TNR: variants seen among roughly 807,000 people sequenced by gnomAD.
The protein encoded by TNR is tenascin-R.
In TNR, 45 loss-of-function variants were observed where a neutral mutation model predicts 150.4. That is an observed-to-expected ratio of 0.30 (90% confidence interval 0.24 to 0.38). TNR has a LOEUF of 0.38. Among genes scored for constraint, TNR ranks in the 10% least tolerant of loss-of-function variants. The pLI is 1.00. For missense variants in TNR, 1,544 were observed against 1,759.1 expected, an observed-to-expected ratio of 0.88 and a Z score of 2.19; for synonymous variants, 687 against 678.4, an observed-to-expected ratio of 1.01 and a Z score of -0.20.
intron 2 of TNR, among the ~76,000 whole-genome samples, chr1:175,473,399 C>T (rs1571490914): frequency 1.3e-5 from 2 of 152,206 alleles, no homozygotes; most frequent in East Asian, 3.9e-4. Context: ...CAGTATTGCC[C>T]CCTTGATGAA....
intron 2 of TNR, among the ~76,000 whole-genome samples, chr1:175,460,597 T>C (rs1656770234): frequency 6.6e-6 from 1 of 152,208 alleles, no homozygotes; most frequent in Non-Finnish European, 1.5e-5. Flanking sequence ...GCTTACAAAG[T>C]ATCCTCATAA....
intron 2 of TNR, among the ~76,000 whole-genome samples, chr1:175,493,787 C>T (rs927632651): frequency 6.6e-5 from 10 of 152,196 alleles, no homozygotes; most frequent in African/African-American, 1.9e-4. Context: ...AGAGCACCAG[C>T]GGCTTCCAGA....
At chr1:175,568,550 T>C (rs1383252305) in intron 1 of TNR, among the ~76,000 whole-genome samples, 1 of 152,212 alleles carries the variant, frequency 6.6e-6, no homozygotes, top group Non-Finnish European at 1.5e-5. Flanking sequence ...CTTTGCACTA[T>C]GTGCTCTCCC....
intron 1 of TNR, among the ~76,000 whole-genome samples, chr1:175,734,242 A>C (rs868438645): frequency 2.6e-5 from 4 of 152,326 alleles, no homozygotes; most frequent in East Asian, 1.9e-4. Flanking sequence ...TGAAATTCCC[A>C]AAAAATGAGT....
intron 2 of TNR, among the ~76,000 whole-genome samples, chr1:175,522,563 T>TA (rs139657969): frequency 1.6e-4 from 24 of 150,976 alleles, no homozygotes; most frequent in South Asian, 4.2e-4. Flanking sequence ...AAATAAAAAA[T>TA]AAAAAAAAAT....
At chr1:175,610,956 G>A (rs1663575850) in intron 1 of TNR, among the ~76,000 whole-genome samples, 2 of 152,142 alleles carry the variant, frequency 1.3e-5, no homozygotes, top group South Asian at 2.1e-4. Flanking sequence ...AATATTACAT[G>A]GCTTGATCAC....
rs1557867696 is a variant in TNR, at chr1:175,331,054, T to TTTCC, written c.3632-820_3632-819insGGAA. 1.3e-4 allele frequency among the ~76,000 whole-genome samples: 14 copies of TTTCC among 105,786 alleles called. 1 individual carries two copies. Among genetic ancestry groups the TTTCC allele is most frequent in the African/African-American group, 5.0e-4 (13 of 26,014 alleles). The allele number at this position is 105,786 out of a possible 152,430, so 69.4% of individuals were successfully genotyped here. On this transcript the variant is annotated intron_variant, in intron 20 of 22. Coordinates refer to ENST00000367674, the MANE Select transcript of TNR (RefSeq NM_003285.3). ...CTTTCTTTCTTTCTTTCTTTCTTTC[T>TTTCC]TTCTTTCTTTCTTTCTTTCTTTCCT...
intron 1 of TNR, among the ~76,000 whole-genome samples, chr1:175,674,858 T>C (rs991216130): frequency 5.3e-5 from 8 of 152,158 alleles, no homozygotes; most frequent in African/African-American, 1.9e-4. Context: ...CCTGCTGTGA[T>C]GGATTTTTTA....
chr1:175,482,058 C>G (rs1657833907), intron 2 of TNR, among the ~76,000 whole-genome samples: 1 of 152,196 alleles, frequency 6.6e-6, no homozygotes. Context: ...AGTTAATTGT[C>G]ATGTTCTGGA....
intron 1 of TNR, among the ~76,000 whole-genome samples, chr1:175,580,318 G>A (rs1351472408): frequency 6.6e-6 from 1 of 152,166 alleles, no homozygotes; most frequent in Non-Finnish European, 1.5e-5. Context: ...TGCACACTGG[G>A]TAAGAGCTCA....
intron 9 of TNR, among the ~76,000 whole-genome samples, chr1:175,368,897 C>G (rs879311879): frequency 6.6e-6 from 1 of 152,054 alleles, no homozygotes; most frequent in Non-Finnish European, 1.5e-5. Context: ...TGCAGTGAGC[C>G]AAGATCATGC....
chr1:175,637,324 C>T (rs752413564), intron 1 of TNR, among the ~76,000 whole-genome samples: 4 of 152,090 alleles, frequency 2.6e-5, no homozygotes, highest in Non-Finnish European at 5.9e-5. Flanking sequence ...TTCAGGGATC[C>T]ATAATAATGA....
chr1:175,316,936 A>C lies in TNR; in HGVS notation c.*6421T>G. ...CCTTGTAAGAATATTAGTAAAATCC[A>C]AGATGGTGGTCACTCAGCTAAATAA... On this transcript the variant is annotated 3_prime_UTR_variant, in exon 23 of 23. Transcript: ENST00000367674. 6.6e-6 allele frequency: 1 copy of C among 152,222 alleles called. No individual in the cohort carries two copies. The highest frequency in any genetic ancestry group is 1.9e-4 in the East Asian group (1 of 5,200). The allele number at this position is 152,222 out of a possible 1,614,324, so 9.4% of individuals were successfully genotyped here. A position where few individuals can be genotyped will look rare whatever the true frequency, so the allele number is the denominator to read the frequency against.
intron 2 of TNR, among the ~76,000 whole-genome samples, chr1:175,409,539 C>T (rs538281670): frequency 3.9e-5 from 6 of 152,176 alleles, no homozygotes; most frequent in South Asian, 2.1e-4. Flanking sequence ...AGTTGGTCAA[C>T]GGTGTGATTT....
In TNR at chr1:175,428,595, C is replaced by T. The variant is rs901613997; in HGVS notation, c.-63-21818G>A. ...GCTTAGGGAGGTTAAGTAAATTGTTCGAGATTACACATTTGTTCAAATCAA... is the reference window on the plus strand; with the variant it reads ...GCTTAGGGAGGTTAAGTAAATTGTTTGAGATTACACATTTGTTCAAATCAA... On this transcript the variant is annotated intron_variant, in intron 2 of 22. Coordinates refer to ENST00000367674, the MANE Select transcript of TNR (RefSeq NM_003285.3). Among the ~76,000 whole-genome samples the T allele has an allele frequency of 2.4e-4, 37 of 152,130 alleles. 1 individual carries two copies. The Middle Eastern group carries it at 0.01, about 42-fold the overall frequency.
At chr1:175,575,186 C>G (rs1022764680) in intron 1 of TNR, among the ~76,000 whole-genome samples, 5 of 152,220 alleles carry the variant, frequency 3.3e-5, no homozygotes, top group African/African-American at 1.2e-4. Context: ...AAGCAATATT[C>G]AAGTTGGTGG....
At chr1:175,612,230 G>A (rs1160636280) in intron 1 of TNR, among the ~76,000 whole-genome samples, 1 of 152,162 alleles carries the variant, frequency 6.6e-6, no homozygotes, top group Admixed American at 6.5e-5. Context: ...TTACAGAGAT[G>A]TGAGTGGGCC....
At chr1:175,602,776 T>C (rs767598328) in intron 1 of TNR, among the ~76,000 whole-genome samples, 2 of 152,234 alleles carry the variant, frequency 1.3e-5, no homozygotes, top group Non-Finnish European at 2.9e-5. Context: ...ATGATTGGGA[T>C]GCTTTCTTCT....
intron 1 of TNR, among the ~76,000 whole-genome samples, chr1:175,650,185 C>T (rs1368688800): frequency 6.6e-6 from 1 of 151,914 alleles, no homozygotes; most frequent in Non-Finnish European, 1.5e-5. Flanking sequence ...AGTTCAAGAC[C>T]AGCCTGGCCA....
Sources: allele counts gnomAD v4.1 joint callset (sites outside exome capture counted in the v4.1 genomes callset), GRCh38; gene constraint gnomAD v4.1.1; transcripts MANE v1.5; gene names NCBI Gene and HGNC (gene_info 2026-07-23, HGNC 2026-07-21).